Variants in PTCHD4 observed in about 807,000 individuals in gnomAD.
PTCHD4 encodes the protein patched domain-containing protein 4.
A neutral mutation model predicts 58.1 loss-of-function variants in PTCHD4; 33 were observed. The observed-to-expected ratio is 0.57, with a 90% CI of 0.43 to 0.76. The LOEUF (loss-of-function observed/expected upper bound fraction) is 0.76, where lower values mean the gene tolerates loss of function less well. PTCHD4 is among the 30% of genes least tolerant of loss of function. The probability of loss-of-function intolerance (pLI) is 0.00; values close to 1 mark genes in which losing one functional copy is unlikely to be tolerated. For missense variants in PTCHD4, 1,058 were observed against 1,027.1 expected (o/e 1.03, Z -0.41); for synonymous variants, 478 against 409.6 (o/e 1.17, Z -2.02).
chr6:47,970,048 T>C (rs770180241), intron 4 of PTCHD4, among the ~76,000 whole-genome samples: 30 of 152,156 alleles, frequency 2.0e-4, no homozygotes, highest in Non-Finnish European at 3.7e-4. Flanking sequence ...TGGATGTAGC[T>C]GGGATAAGAG....
At chr6:48,107,323 C>G (rs1765752509) in intron 1 of PTCHD4, among the ~76,000 whole-genome samples, 1 of 152,124 alleles carries the variant, frequency 6.6e-6, no homozygotes, top group Non-Finnish European at 1.5e-5. Context: ...TGATCTTTGA[C>G]AAACCTGACA....
chr6:48,051,273 G>A (rs1447807981), intron 3 of PTCHD4, among the ~76,000 whole-genome samples: 3 of 151,894 alleles, frequency 2.0e-5, no homozygotes, highest in African/African-American at 7.2e-5. Context: ...ATTAAATCAG[G>A]TATTACCCAA....
chr6:48,021,353 C>T (rs1371896513), intron 3 of PTCHD4, among the ~76,000 whole-genome samples: 1 of 151,998 alleles, frequency 6.6e-6, no homozygotes, highest in Non-Finnish European at 1.5e-5. Flanking sequence ...TGGCCTTGCA[C>T]TTGGCTAAAT....
chr6:47,944,300 C>T (rs1766339643), intron 4 of PTCHD4, among the ~76,000 whole-genome samples: 1 of 151,926 alleles, frequency 6.6e-6, no homozygotes. Context: ...TAAGGATAAC[C>T]CCTAAACAAT....
chr6:48,019,415 A>G (rs1562010188), intron 3 of PTCHD4, among the ~76,000 whole-genome samples: 2 of 151,890 alleles, frequency 1.3e-5, no homozygotes. Context: ...TCAGGGAAAG[A>G]TAAGTAAGTA....
In PTCHD4 at chr6:47,858,960, A is replaced by G. The variant is rs563918377; in HGVS notation, c.*19343T>C. 1.1e-4 allele frequency among the ~76,000 whole-genome samples: 16 copies of G among 152,194 alleles called. No individual in the cohort carries two copies. The highest frequency in any genetic ancestry group is 9.8e-4 in the Admixed American group (15 of 15,260). ...CAGAACCTATGATTTAATTACAAGC[A>G]TCTGTTTTTGAGACTAATCAATGAA... On this transcript the variant is annotated 3_prime_UTR_variant, in exon 5 of 5. Transcript: ENST00000339488.
At chr6:47,915,571 A>AT (rs35234678) in intron 4 of PTCHD4, among the ~76,000 whole-genome samples, 334 of 144,616 alleles carry the variant, frequency 2.3e-3, no homozygotes, top group Middle Eastern at 0.011. Context: ...TAGAAGACAG[A>AT]TTTTTTTTTT....
intron 4 of PTCHD4, among the ~76,000 whole-genome samples, chr6:47,987,740 T>C (rs758731357): frequency 1.2e-4 from 18 of 152,084 alleles, no homozygotes; most frequent in South Asian, 2.1e-4. Context: ...CAATGTCACA[T>C]GAAAACTAAT....
intron 3 of PTCHD4, among the ~76,000 whole-genome samples, chr6:48,039,987 G>A (rs1048915021): frequency 6.6e-6 from 1 of 152,102 alleles, no homozygotes; most frequent in South Asian, 2.1e-4. Flanking sequence ...ATAAGTCTGA[G>A]ATGGGGCCCA....
At chr6:48,073,061 G>A (rs913567679) in intron 1 of PTCHD4, among the ~76,000 whole-genome samples, 1 of 152,086 alleles carries the variant, frequency 6.6e-6, no homozygotes, top group African/African-American at 2.4e-5. Flanking sequence ...GCCCACAGAA[G>A]GTTAATTTTC....
chr6:48,074,336 C>T (rs1234823329), intron 1 of PTCHD4, among the ~76,000 whole-genome samples: 1 of 152,160 alleles, frequency 6.6e-6, no homozygotes, highest in South Asian at 2.1e-4. Context: ...TAATTAAGAA[C>T]CCAGGTCATT....
chr6:47,892,383 A>G (rs1486900485), intron 4 of PTCHD4, among the ~76,000 whole-genome samples: 1 of 152,236 alleles, frequency 6.6e-6, no homozygotes, highest in East Asian at 1.9e-4. Flanking sequence ...AATAAAAATT[A>G]ATTCTTTCAT....
intron 3 of PTCHD4, among the ~76,000 whole-genome samples, chr6:48,041,051 C>G (rs1234212471): frequency 2.0e-5 from 3 of 151,904 alleles, no homozygotes; most frequent in Non-Finnish European, 4.4e-5. Flanking sequence ...AACTAAAATC[C>G]AAATATTCAG....
chr6:47,966,363 G>C (rs1239802984), intron 4 of PTCHD4, among the ~76,000 whole-genome samples: 2 of 152,062 alleles, frequency 1.3e-5, no homozygotes, highest in Non-Finnish European at 2.9e-5. Flanking sequence ...AATATTTTTT[G>C]GTAAAAAGTG....
At chr6:47,977,310 C>T (rs976033011) in intron 4 of PTCHD4, among the ~76,000 whole-genome samples, 4 of 152,202 alleles carry the variant, frequency 2.6e-5, no homozygotes, top group Non-Finnish European at 5.9e-5. Flanking sequence ...GGTGGAATCT[C>T]ACTTCTGTGA....
At position 47,862,803 on chromosome 6, in the gene PTCHD4, C is replaced by T. The variant is rs1171311882; in HGVS notation, c.*15500G>A. Among the ~76,000 whole-genome samples the T allele has an allele frequency of 4.0e-5, 6 of 151,878 alleles. No individual in the cohort carries two copies. In the South Asian group the frequency reaches 1.2e-3, roughly 31 times the overall value. Reference sequence around the variant, plus strand: ...TTTCCTTTGGAATTGTAATACTCATCTGCTCTTCAGTAACAAAGACAGGCT... The same window carrying T: ...TTTCCTTTGGAATTGTAATACTCATTTGCTCTTCAGTAACAAAGACAGGCT... On this transcript the variant is annotated 3_prime_UTR_variant, in exon 5 of 5. Coordinates refer to ENST00000339488, the MANE Select transcript of PTCHD4 (RefSeq NM_001384253.1).
chr6:47,908,810 A>G (rs1764980098), intron 4 of PTCHD4, among the ~76,000 whole-genome samples: 1 of 152,168 alleles, frequency 6.6e-6, no homozygotes, highest in Non-Finnish European at 1.5e-5. Context: ...CTTTCCTACT[A>G]ACTATTATGA....
intron 4 of PTCHD4, among the ~76,000 whole-genome samples, chr6:47,919,018 G>A (rs183832393): frequency 1.3e-5 from 2 of 152,250 alleles, no homozygotes; most frequent in African/African-American, 2.4e-5. Context: ...GCCAAGCAAC[G>A]AGGTTGAAGA....
At position 47,870,998 on chromosome 6, in the gene PTCHD4, T is replaced by A. The variant is rs530688257; in HGVS notation, c.*7305A>T. On this transcript the variant is annotated 3_prime_UTR_variant, in exon 5 of 5. Coordinates refer to ENST00000339488, the MANE Select transcript of PTCHD4 (RefSeq NM_001384253.1). ...CCATGAGGTTTGTAGTGTTAATACA[T>A]CAAAGTTTCATAATTTCATACATTT... 6.6e-6 allele frequency among the ~76,000 whole-genome samples: 1 copy of A among 151,762 alleles called. No individual in the cohort carries two copies. Among genetic ancestry groups the A allele is most frequent in the African/African-American group, 2.4e-5 (1 of 41,504 alleles).
Sources: gnomAD v4.1 joint callset for allele counts (sites outside exome capture counted in the v4.1 genomes callset) on GRCh38, gnomAD v4.1.1 for gene constraint, MANE v1.5 for transcripts, NCBI Gene and HGNC (gene_info 2026-07-23, HGNC 2026-07-21) for gene names.